OSBPL8: variants seen among roughly 807,000 people sequenced by gnomAD.
OSBPL8 encodes oxysterol binding protein like 8, also known as oxysterol-binding protein-related protein 8.
In OSBPL8, 59 loss-of-function variants were observed where a neutral mutation model predicts 125.5. The observed-to-expected ratio is 0.47, with a 90% CI of 0.38 to 0.58. OSBPL8 has a LOEUF of 0.58. Among genes scored for constraint, OSBPL8 ranks in the 20% least tolerant of loss-of-function variants. OSBPL8 has a pLI of 0.00. For missense variants in OSBPL8, 758 were observed against 1,047.8 expected (o/e 0.72, Z 3.82); for synonymous variants, 330 against 338.9 (o/e 0.97, Z 0.29).
intron 18 of OSBPL8, 48 bp downstream of exon 18, chr12:76,373,296 C>A: frequency 2.9e-6 from 3 of 1,043,340 alleles, no homozygotes; most frequent in Admixed American, 2.6e-5. Flanking sequence ...TTTTTTTTTT[C>A]CCACAGAATA....
chr12:76,423,562 A>G (rs955065512), intron 4 of OSBPL8, among the ~76,000 whole-genome samples: 6 of 152,158 alleles, frequency 3.9e-5, no homozygotes, highest in Admixed American at 3.9e-4. Context: ...ACAGTGACAA[A>G]TGTACTATGT....
At chr12:76,418,629 G>A (rs146926711) in intron 4 of OSBPL8, among the ~76,000 whole-genome samples, 1,712 of 152,100 alleles carry the variant, frequency 0.011, 33 homozygotes, top group African/African-American at 0.039. Context: ...TCAGGAGTTC[G>A]AGACCAGCCT....
chr12:76,511,291 C>G (rs1409641947), intron 1 of OSBPL8, among the ~76,000 whole-genome samples: 1 of 152,164 alleles, frequency 6.6e-6, no homozygotes, highest in Non-Finnish European at 1.5e-5. Context: ...AATAGTAGTT[C>G]TGCTTTTAGC....
At chr12:76,536,781 C>A (rs1950510977) in intron 1 of OSBPL8, among the ~76,000 whole-genome samples, 1 of 142,486 alleles carries the variant, frequency 7.0e-6, no homozygotes. Flanking sequence ...GCAAAATTAG[C>A]ATGCCTGTGG....
chr12:76,553,904 G>A (rs1045833761), intron 1 of OSBPL8, among the ~76,000 whole-genome samples: 7 of 148,050 alleles, frequency 4.7e-5, no homozygotes, highest in African/African-American at 1.8e-4. Flanking sequence ...TTGAAACCGG[G>A]AGGCAGAGGT....
intron 6 of OSBPL8, among the ~76,000 whole-genome samples, chr12:76,400,718 C>T (rs1954017727): frequency 6.7e-6 from 1 of 149,658 alleles, no homozygotes. Flanking sequence ...AGGAGTTAGT[C>T]TTAGACAACC....
intron 1 of OSBPL8, among the ~76,000 whole-genome samples, chr12:76,496,102 CT>C (rs1248374303): frequency 6.6e-6 from 1 of 152,082 alleles, no homozygotes; most frequent in Non-Finnish European, 1.5e-5. Context: ...TAACTTTCGT[CT>C]TTTTTTAACG....
intron 19 of OSBPL8, chr12:76,371,187 GTTCT>G (rs1039367552): frequency 1.3e-4 from 35 of 265,120 alleles, no homozygotes; most frequent in African/African-American, 4.2e-4. Context: ...AAACAAAAAC[GTTCT>G]TTCTTTCTTT....
At position 76,487,570 on chromosome 12, in the gene OSBPL8, T is replaced by TAC. The variant is rs1192170767; in HGVS notation, c.-20_-19insGT. ...CCTCCATAATGAAAGAAGATAGGTT[T>TAC]ATGCTTCTCTTTCCATTAATGTGCA... On this transcript the variant is annotated 5_prime_UTR_variant, in exon 2 of 24. In the 5' UTR this introduces an upstream ATG that the reference lacks. Coordinates refer to ENST00000261183, the MANE Select transcript of OSBPL8 (RefSeq NM_020841.5). 6.3e-7 allele frequency: 1 copy of TAC among 1,582,400 alleles called. No individual in the cohort carries two copies. Among genetic ancestry groups the TAC allele is most frequent in the Non-Finnish European group, 8.6e-7 (1 of 1,169,584 alleles).
chr12:76,529,197 A>G (rs553551725), intron 1 of OSBPL8, among the ~76,000 whole-genome samples: 2 of 152,338 alleles, frequency 1.3e-5, no homozygotes, highest in African/African-American at 4.8e-5. Context: ...AGCATTATGA[A>G]CTAACAATCA....
rs141604042 is a variant in OSBPL8 at position 76,406,528 on chromosome 12, T to G, written c.289-3762A>C. On this transcript the variant is annotated intron_variant, in intron 5 of 23. Coordinates refer to ENST00000261183, the MANE Select transcript of OSBPL8 (RefSeq NM_020841.5). ...TAATTAAAAATTCATTTTAAAATGC[T>G]ACTTTGTTTGGGATAATCTGATTAA... Among the ~76,000 whole-genome samples the G allele has an allele frequency of 4.6e-3, 702 of 152,364 alleles. 9 individuals carry two copies. Among genetic ancestry groups the G allele is most frequent in the African/African-American group, 0.016 (673 of 41,586 alleles).
chr12:76,431,692 G>A (rs1299250751), intron 4 of OSBPL8, among the ~76,000 whole-genome samples: 1 of 152,088 alleles, frequency 6.6e-6, no homozygotes, highest in African/African-American at 2.4e-5. Context: ...AATTCAATAG[G>A]AAGACAGAAC....
At chr12:76,511,063 ATGATGTT>A (rs970242414) in intron 1 of OSBPL8, among the ~76,000 whole-genome samples, 24 of 152,348 alleles carry the variant, frequency 1.6e-4, no homozygotes, top group Middle Eastern at 3.4e-3. Flanking sequence ...AGGTATGTAC[ATGATGTT>A]ACCTAAACCA....
chr12:76,549,552 A>C (rs893497584), intron 1 of OSBPL8, among the ~76,000 whole-genome samples: 1 of 152,160 alleles, frequency 6.6e-6, no homozygotes, highest in Admixed American at 6.5e-5. Flanking sequence ...CTGGGATTAC[A>C]GGCACCTGCC....
At chr12:76,370,897 T>C (rs1192698998) in intron 19 of OSBPL8, among the ~76,000 whole-genome samples, 2 of 152,088 alleles carry the variant, frequency 1.3e-5, no homozygotes, top group African/African-American at 2.4e-5. Flanking sequence ...ATAACAACAA[T>C]AAAATAGGGA....
intron 4 of OSBPL8, among the ~76,000 whole-genome samples, chr12:76,441,325 T>C (rs1166644037): frequency 6.6e-6 from 1 of 152,116 alleles, no homozygotes; most frequent in Non-Finnish European, 1.5e-5. Flanking sequence ...CATTCTTAAA[T>C]AAAATTTATG....
intron 1 of OSBPL8, among the ~76,000 whole-genome samples, chr12:76,532,134 G>T (rs924325413): frequency 1.3e-5 from 2 of 150,520 alleles, no homozygotes; most frequent in Non-Finnish European, 2.9e-5. Flanking sequence ...TTTTGTTGTG[G>T]ACTGTATCTG....
At chr12:76,415,310 C>T (rs1454465228) in intron 4 of OSBPL8, among the ~76,000 whole-genome samples, 3 of 150,952 alleles carry the variant, frequency 2.0e-5, no homozygotes, top group South Asian at 2.1e-4. Context: ...TGCAGTGGCA[C>T]GATCTCGGCT....
chr12:76,452,204 T>C (rs997973298), intron 3 of OSBPL8, among the ~76,000 whole-genome samples: 3 of 152,246 alleles, frequency 2.0e-5, no homozygotes, highest in African/African-American at 2.4e-5. Context: ...TTTATCATCA[T>C]GTCCTTTAAA....
Sources: allele counts gnomAD v4.1 joint callset (sites outside exome capture counted in the v4.1 genomes callset), GRCh38; gene constraint gnomAD v4.1.1; transcripts MANE v1.5; gene names NCBI Gene and HGNC (gene_info 2026-07-23, HGNC 2026-07-21).